The following LIPA variants were observed in gnomAD, a reference collection of about 807,000 sequenced individuals.
LIPA encodes lysosomal acid lipase/cholesteryl ester hydrolase.
LIPA carries 26 observed loss-of-function variants against 40.6 expected under a neutral mutation model. That is an observed-to-expected ratio of 0.64 (90% CI 0.47 to 0.89). The LOEUF (loss-of-function observed/expected upper bound fraction) is 0.89, where lower values mean the gene tolerates loss of function less well. LIPA is among the 40% of genes least tolerant of loss of function. The probability of loss-of-function intolerance (pLI) is 0.00; values close to 1 mark genes in which losing one functional copy is unlikely to be tolerated. For missense variants in LIPA, 455 were observed against 479.6 expected, an observed-to-expected ratio of 0.95 and a Z score of 0.48; for synonymous variants, 188 against 168.4, an observed-to-expected ratio of 1.12 and a Z score of -0.90.
chr10:89,250,074 CT>C lies in LIPA; in HGVS notation c.-2+1662del, dbSNP rs1329353168. On this transcript the variant is annotated intron_variant, in intron 1 of 9. Transcript: ENST00000336233. Reference sequence around the variant, plus strand: ...GAACTCTGAAATTCTTTTCTTTTTTCTTTTTTCTTTTTCTTTTTCTTTTCTT... The same window carrying C: ...GAACTCTGAAATTCTTTTCTTTTTTCTTTTTCTTTTTCTTTTTCTTTTCTT... 5.2e-4 allele frequency among the ~76,000 whole-genome samples: 57 copies of C among 110,366 alleles called. 1 individual carries two copies. The highest frequency in any genetic ancestry group is 1.5e-3 in the South Asian group (4 of 2,714). The allele number at this position is 110,366 out of a possible 152,430, so 72.4% of individuals were successfully genotyped here. A position where few individuals can be genotyped will look rare whatever the true frequency, so the allele number is the denominator to read the frequency against.
At chr10:89,384,337 GC>G in intron 2 of LIPA, 1 of 1,614,158 alleles carries the variant, frequency 6.2e-7, no homozygotes, top group Non-Finnish European at 8.5e-7. Context: ...ATTTGAGATG[GC>G]CTATGTTGAC....
intron 2 of LIPA, among the ~76,000 whole-genome samples, chr10:89,412,449 A>C (rs1564815284): frequency 6.6e-6 from 1 of 152,118 alleles, no homozygotes; most frequent in Non-Finnish European, 1.5e-5. Flanking sequence ...CTCTCTGTAA[A>C]ATGGACCAAT....
At chr10:89,288,937 T>C (rs1018179984) in intron 1 of LIPA, among the ~76,000 whole-genome samples, 2 of 152,234 alleles carry the variant, frequency 1.3e-5, no homozygotes, top group African/African-American at 4.8e-5. Flanking sequence ...TCCTCTTTAA[T>C]AAAAACTCTT....
In LIPA at chr10:89,307,174, G is replaced by C. The variant is rs768050459; in HGVS notation, c.-2+35437C>G. 5 of 1,613,798 alleles carry C rather than the reference G, an allele frequency of 3.1e-6. No homozygotes were observed. In the Admixed American group the frequency reaches 8.3e-5, roughly 27 times the overall value. ...GTGTAAAAATAAACCAGAAATCAAG[G>C]GAGAAAGAAAAGATGAAAGACAAAC... is the stretch of plus-strand genomic sequence containing the variant. On this transcript the variant is annotated intron_variant, in intron 1 of 5. Transcript: ENST00000282673.
upstream of LIPA, among the ~76,000 whole-genome samples, chr10:89,343,344 T>C (rs1301831623): frequency 2.0e-5 from 3 of 152,204 alleles, no homozygotes; most frequent in Admixed American, 1.3e-4. Context: ...TGTGTAGCAT[T>C]TCTTCTTTGC....
At chr10:89,293,678 A>ACGAGAGAGAGAGAGAGAGAGAGAG (rs563646884) in intron 1 of LIPA, 12 of 126,268 alleles carry the variant, frequency 9.5e-5, no homozygotes, top group Non-Finnish European at 1.8e-4. Flanking sequence ...TCTGTGTGAG[A>ACGAGAGAGAGAGAGAGAGAGAGAG]TGAGAGAGAG....
At chr10:89,371,371 A>T (rs990696187) in intron 2 of LIPA, among the ~76,000 whole-genome samples, 1 of 152,228 alleles carries the variant, frequency 6.6e-6, no homozygotes, top group Non-Finnish European at 1.5e-5. Context: ...TCACATCAGA[A>T]CTATAACTCT....
At chr10:89,300,268 G>T (rs575137326) in intron 1 of LIPA, among the ~76,000 whole-genome samples, 41 of 152,338 alleles carry the variant, frequency 2.7e-4, no homozygotes, top group African/African-American at 9.4e-4. Flanking sequence ...AGACTGGGAA[G>T]GGGGGTGGTG....
At position 89,249,939 on chromosome 10, in the gene LIPA, T is replaced by G. The variant is rs548092069; in HGVS notation, c.-2+1798A>C. 7.2e-5 allele frequency among the ~76,000 whole-genome samples: 11 copies of G among 152,280 alleles called. No homozygotes were observed. The East Asian group carries it at 2.1e-3, about 29-fold the overall frequency. ...TTTGTTTTTAGTTTTGTGTTTAAAC[T>G]GAATATTCCACAAGTCTTAAGAAAT... On this transcript the variant is annotated intron_variant, in intron 1 of 9. Transcript: ENST00000336233.
At chr10:89,327,897 C>A (rs1843614508) in intron 1 of LIPA, 1 of 569,486 alleles carries the variant, frequency 1.8e-6, no homozygotes, top group Non-Finnish European at 3.1e-6. Context: ...GTTTCCTCTT[C>A]CTTCCCCTAA....
intron 1 of LIPA, among the ~76,000 whole-genome samples, chr10:89,265,240 C>T (rs927004165): frequency 4.6e-5 from 7 of 152,060 alleles, no homozygotes; most frequent in Non-Finnish European, 8.8e-5. Context: ...CCATGGGGTC[C>T]TGGGCCCCCA....
At chr10:89,409,339 T>C (rs939637478) in intron 2 of LIPA, among the ~76,000 whole-genome samples, 3 of 152,080 alleles carry the variant, frequency 2.0e-5, no homozygotes, top group Non-Finnish European at 4.4e-5. Flanking sequence ...AAACAAACCT[T>C]GGTGGTTCAG....
chr10:89,282,250 AC>A (rs1843319688), intron 1 of LIPA, among the ~76,000 whole-genome samples: 1 of 152,196 alleles, frequency 6.6e-6, no homozygotes, highest in Non-Finnish European at 1.5e-5. Flanking sequence ...TAAAACTGAG[AC>A]CTGTTTTATG....
intron 1 of LIPA, among the ~76,000 whole-genome samples, chr10:89,278,942 C>G (rs577454045): frequency 6.6e-6 from 1 of 152,024 alleles, no homozygotes; most frequent in South Asian, 2.1e-4. Context: ...CACACACACA[C>G]AGAGACATAT....
intron 1 of LIPA, chr10:89,340,121 T>A: frequency 6.3e-7 from 1 of 1,591,536 alleles, no homozygotes; most frequent in Non-Finnish European, 8.6e-7. Context: ...TCAGAGCAAC[T>A]GAACTGAGAC....
intron 1 of LIPA, among the ~76,000 whole-genome samples, chr10:89,315,156 C>A (rs574976203): frequency 1.3e-5 from 2 of 152,328 alleles, no homozygotes; most frequent in Admixed American, 6.5e-5. Context: ...ATGTTTGTAT[C>A]TGTGATATAT....
intron 3 of LIPA, among the ~76,000 whole-genome samples, chr10:89,240,970 TCA>T (rs1842958604): frequency 6.6e-6 from 1 of 152,032 alleles, no homozygotes; most frequent in Admixed American, 6.5e-5. Flanking sequence ...ATGACAGAGG[TCA>T]CACACATCAT....
intron 2 of LIPA, chr10:89,384,598 T>C (rs1199868914): frequency 1.2e-6 from 2 of 1,614,170 alleles, no homozygotes; most frequent in Non-Finnish European, 1.7e-6. Context: ...GGCTAAAAGA[T>C]GTATTCACCA....
At chr10:89,272,329 A>G (rs899314287) in intron 1 of LIPA, among the ~76,000 whole-genome samples, 3 of 151,186 alleles carry the variant, frequency 2.0e-5, no homozygotes, top group Admixed American at 1.3e-4. Context: ...GCTCCCTCTT[A>G]TAAGTGAGAA....
Sources: allele counts gnomAD v4.1 joint callset (sites outside exome capture counted in the v4.1 genomes callset), GRCh38; gene constraint gnomAD v4.1.1; transcripts MANE v1.5; gene names NCBI Gene and HGNC (gene_info 2026-07-23, HGNC 2026-07-21).